Variants in SLC9A9 observed in about 807,000 individuals in gnomAD.
SLC9A9 encodes solute carrier family 9 member A9, also known as sodium/hydrogen exchanger 9.
SLC9A9 carries 62 observed loss-of-function variants against 77.8 expected under a neutral mutation model. The observed-to-expected ratio is 0.80, with a 90% CI of 0.65 to 0.98. SLC9A9 has a LOEUF of 0.98. Ranked by LOEUF, SLC9A9 falls within the 50% of genes least tolerant of loss-of-function variation. SLC9A9 has a pLI of 0.00. For missense variants in SLC9A9, 775 were observed against 774.9 expected (o/e 1.00, Z 0.00); for synonymous variants, 320 against 283.5 (o/e 1.13, Z -1.29).
At chr3:143,445,517 G>A (rs1220590444) in intron 12 of SLC9A9, among the ~76,000 whole-genome samples, 2 of 152,148 alleles carry the variant, frequency 1.3e-5, no homozygotes, top group Non-Finnish European at 2.9e-5. Context: ...AGCATGCTAC[G>A]GATGGGACTG....
chr3:143,693,350 C>A (rs894257630), intron 4 of SLC9A9, 43 bp from the exon 5 acceptor site: 1 of 1,432,692 alleles, frequency 7.0e-7, no homozygotes, highest in South Asian at 1.1e-5. Context: ...CAAGATGAAC[C>A]CTGTGTAAAC....
chr3:143,273,688 T>C (rs541651446), intron 14 of SLC9A9, among the ~76,000 whole-genome samples: 1 of 152,338 alleles, frequency 6.6e-6, no homozygotes, highest in East Asian at 1.9e-4. Flanking sequence ...CTGTGTTCTA[T>C]TTTTCTCTGA....
intron 9 of SLC9A9, among the ~76,000 whole-genome samples, chr3:143,550,022 C>A (rs2036852946): frequency 6.6e-6 from 1 of 152,086 alleles, no homozygotes; most frequent in South Asian, 2.1e-4. Flanking sequence ...CTCAAGATTT[C>A]TGTAACTGCA....
At chr3:143,331,625 G>A (rs560175132) in intron 14 of SLC9A9, among the ~76,000 whole-genome samples, 40 of 152,278 alleles carry the variant, frequency 2.6e-4, no homozygotes, top group African/African-American at 8.7e-4. Flanking sequence ...TTATTCAGTA[G>A]GCTCCTCCTG....
intron 9 of SLC9A9, among the ~76,000 whole-genome samples, chr3:143,541,655 C>T (rs2036692134): frequency 6.6e-6 from 1 of 152,140 alleles, no homozygotes; most frequent in Non-Finnish European, 1.5e-5. Flanking sequence ...TCCAGGTTGA[C>T]CCTGGGTTGG....
intron 2 of SLC9A9, among the ~76,000 whole-genome samples, chr3:143,802,102 CCTT>C (rs1171686952): frequency 6.6e-6 from 1 of 152,166 alleles, no homozygotes; most frequent in Admixed American, 6.5e-5. Context: ...CAGTTTTTCT[CCTT>C]CTCATCGGTC....
intron 6 of SLC9A9, among the ~76,000 whole-genome samples, chr3:143,643,212 G>A (rs2038651193): frequency 6.6e-6 from 1 of 152,318 alleles, no homozygotes; most frequent in African/African-American, 2.4e-5. Flanking sequence ...AATAGGAAGA[G>A]GGGATACGGC....
intron 4 of SLC9A9, among the ~76,000 whole-genome samples, chr3:143,793,707 G>C (rs1487005598): frequency 6.6e-6 from 1 of 152,214 alleles, no homozygotes; most frequent in Non-Finnish European, 1.5e-5. Context: ...CTCAGAGATG[G>C]TAAGATTGAG....
intron 6 of SLC9A9, among the ~76,000 whole-genome samples, chr3:143,646,516 C>A (rs1395165570): frequency 6.7e-6 from 1 of 149,282 alleles, no homozygotes; most frequent in African/African-American, 2.5e-5. Context: ...TTGTGAATAT[C>A]TTTTCCCATC....
chr3:143,657,443 GC>G (rs1399927270), intron 5 of SLC9A9, among the ~76,000 whole-genome samples: 8 of 152,172 alleles, frequency 5.3e-5, no homozygotes, highest in African/African-American at 1.9e-4. Context: ...AAGCTCTTAT[GC>G]CCCAGAGCAA....
At chr3:143,351,312 A>G (rs1383536742) in intron 14 of SLC9A9, among the ~76,000 whole-genome samples, 1 of 151,996 alleles carries the variant, frequency 6.6e-6, no homozygotes, top group African/African-American at 2.4e-5. Context: ...AGTTTGAAAA[A>G]CCCTGATTTA....
intron 5 of SLC9A9, among the ~76,000 whole-genome samples, chr3:143,657,332 C>G (rs778479360): frequency 5.3e-5 from 8 of 152,190 alleles, no homozygotes; most frequent in Non-Finnish European, 1.2e-4. Context: ...TTTTAACCAT[C>G]AATATGCTAT....
chr3:143,329,408 T>C (rs1233691226), intron 14 of SLC9A9, among the ~76,000 whole-genome samples: 1 of 152,248 alleles, frequency 6.6e-6, no homozygotes, highest in Non-Finnish European at 1.5e-5. Context: ...GTAATTCTCC[T>C]TTGCATTGGC....
Position 143,492,059 on chromosome 3 carries a change from G to A in SLC9A9, c.1315+1594C>T, listed in dbSNP as rs1390552832. Among the ~76,000 whole-genome samples the A allele has an allele frequency of 5.9e-5, 9 of 152,116 alleles. No individual in the cohort carries two copies. The South Asian group carries it at 1.2e-3, about 21-fold the overall frequency. ...TGTAATCCCAGCACTTTGGGAGGCC[G>A]GGGCGGGTGGATCACAAGGTCAGGA... On this transcript the variant is annotated intron_variant, in intron 11 of 15. Transcript: ENST00000316549.
intron 4 of SLC9A9, among the ~76,000 whole-genome samples, chr3:143,777,222 T>A (rs1356910446): frequency 6.6e-6 from 1 of 152,210 alleles, no homozygotes; most frequent in Non-Finnish European, 1.5e-5. Context: ...CAATCAGAGT[T>A]ACTCGAAGAT....
At chr3:143,279,993 A>T (rs1340195926) in intron 14 of SLC9A9, among the ~76,000 whole-genome samples, 2 of 151,918 alleles carry the variant, frequency 1.3e-5, no homozygotes, top group East Asian at 1.9e-4. Flanking sequence ...TGAATTTTTA[A>T]TTTTTTTTGT....
chr3:143,660,941 G>A (rs933857356), intron 5 of SLC9A9, among the ~76,000 whole-genome samples: 7 of 152,218 alleles, frequency 4.6e-5, no homozygotes, highest in African/African-American at 1.7e-4. Context: ...TGTTGCTGAT[G>A]TAATTTTCCA....
At chr3:143,396,090 C>T (rs2033721943) in intron 12 of SLC9A9, among the ~76,000 whole-genome samples, 1 of 152,154 alleles carries the variant, frequency 6.6e-6, no homozygotes, top group Non-Finnish European at 1.5e-5. Flanking sequence ...CCAGCAATCC[C>T]ATTACTGGGT....
chr3:143,688,598 C>T (rs992595317), intron 5 of SLC9A9, among the ~76,000 whole-genome samples: 23 of 152,180 alleles, frequency 1.5e-4, no homozygotes, highest in Admixed American at 7.2e-4. Context: ...AAGGGACTTC[C>T]GCATTTCCCT....
Sources: gnomAD v4.1 joint callset for allele counts (sites outside exome capture counted in the v4.1 genomes callset) on GRCh38, gnomAD v4.1.1 for gene constraint, MANE v1.5 for transcripts, NCBI Gene and HGNC (gene_info 2026-07-23, HGNC 2026-07-21) for gene names.